HCN1: variants seen among roughly 807,000 people sequenced by gnomAD.
HCN1 encodes hyperpolarization activated cyclic nucleotide gated potassium channel 1.
In HCN1, 13 loss-of-function variants were observed where a neutral mutation model predicts 78.9. That is an observed-to-expected ratio of 0.16 (90% CI 0.11 to 0.26). HCN1 has a LOEUF of 0.26. Ranked by LOEUF, HCN1 falls within the 10% of genes least tolerant of loss-of-function variation. The pLI is 1.00. For synonymous variants in HCN1, 552 were observed against 455.5 expected (o/e 1.21, Z -2.70); for missense variants, 810 against 1,154.3 (o/e 0.70, Z 4.32).
At chr5:45,503,259 C>G (rs1012064803) in intron 2 of HCN1, among the ~76,000 whole-genome samples, 6 of 151,980 alleles carry the variant, frequency 3.9e-5, no homozygotes, top group African/African-American at 9.7e-5. Flanking sequence ...AAAAAACAAC[C>G]CTGAATTTCA....
intron 2 of HCN1, among the ~76,000 whole-genome samples, chr5:45,594,942 T>A (rs1744455031): frequency 6.6e-6 from 1 of 152,254 alleles, no homozygotes; most frequent in South Asian, 2.1e-4. Flanking sequence ...AGTTAAAACA[T>A]CTAAGAGTAA....
intron 4 of HCN1, among the ~76,000 whole-genome samples, chr5:45,373,862 AT>A (rs1747503658): frequency 7.5e-6 from 1 of 134,092 alleles, no homozygotes; most frequent in South Asian, 2.3e-4. Context: ...TATATACGTC[AT>A]CTATAATATA....
chr5:45,442,170 A>G (rs1382648511), intron 3 of HCN1, among the ~76,000 whole-genome samples: 6 of 152,164 alleles, frequency 3.9e-5, no homozygotes, highest in African/African-American at 1.4e-4. Context: ...TTAGGGCAAC[A>G]AATCTTCAAA....
intron 3 of HCN1, among the ~76,000 whole-genome samples, chr5:45,446,746 GA>G (rs1213714071): frequency 2.6e-5 from 4 of 152,080 alleles, no homozygotes; most frequent in African/African-American, 9.7e-5. Context: ...CATTCTTAAA[GA>G]AAAGAATTTT....
At chr5:45,471,015 T>C (rs1055925678) in intron 2 of HCN1, among the ~76,000 whole-genome samples, 1 of 151,912 alleles carries the variant, frequency 6.6e-6, no homozygotes, top group African/African-American at 2.4e-5. Context: ...TTTGACAATA[T>C]CTTTCTGTCT....
intron 2 of HCN1, among the ~76,000 whole-genome samples, chr5:45,538,419 G>A (rs536113740): frequency 4.5e-4 from 69 of 152,170 alleles, no homozygotes; most frequent in Non-Finnish European, 6.6e-4. Context: ...TGGTCTCTAC[G>A]TACATTACTA....
intron 5 of HCN1, among the ~76,000 whole-genome samples, chr5:45,306,133 T>C (rs749457300): frequency 3.9e-5 from 6 of 152,046 alleles, no homozygotes; most frequent in Non-Finnish European, 8.8e-5. Flanking sequence ...TGAGAGTTAA[T>C]TATTTCACAT....
intron 3 of HCN1, among the ~76,000 whole-genome samples, chr5:45,443,715 C>T (rs777696595): frequency 9.2e-5 from 14 of 152,020 alleles, no homozygotes; most frequent in Non-Finnish European, 2.1e-4. Flanking sequence ...GACTTTCTTC[C>T]CTCAAGTTAA....
chr5:45,503,268 C>T (rs1742227964), intron 2 of HCN1, among the ~76,000 whole-genome samples: 1 of 152,054 alleles, frequency 6.6e-6, no homozygotes, highest in African/African-American at 2.4e-5. Flanking sequence ...CCCTGAATTT[C>T]ACTACTAGTT....
intron 2 of HCN1, among the ~76,000 whole-genome samples, chr5:45,546,296 T>A (rs1160087192): frequency 6.6e-6 from 1 of 151,948 alleles, no homozygotes; most frequent in East Asian, 1.9e-4. Context: ...AATACTTTCT[T>A]TGCAATTTAT....
chr5:45,426,740 C>T (rs529118939), intron 3 of HCN1, among the ~76,000 whole-genome samples: 5 of 152,254 alleles, frequency 3.3e-5, no homozygotes, highest in Non-Finnish European at 5.9e-5. Context: ...TTCAGAAGCA[C>T]TCAAGTCTGC....
At chr5:45,487,153 G>A (rs1362612020) in intron 2 of HCN1, among the ~76,000 whole-genome samples, 1 of 152,032 alleles carries the variant, frequency 6.6e-6, no homozygotes, top group Non-Finnish European at 1.5e-5. Context: ...AAACAGAAAT[G>A]TCAGTATTTT....
At chr5:45,328,701 T>G (rs1746285335) in intron 5 of HCN1, among the ~76,000 whole-genome samples, 1 of 151,642 alleles carries the variant, frequency 6.6e-6, no homozygotes, top group African/African-American at 2.4e-5. Flanking sequence ...TGTGTATTTC[T>G]GGATTTTTCC....
At chr5:45,473,222 T>C (rs530699884) in intron 2 of HCN1, among the ~76,000 whole-genome samples, 36 of 152,104 alleles carry the variant, frequency 2.4e-4, no homozygotes, top group Admixed American at 9.9e-4. Context: ...GTTCTATACA[T>C]AAGCTTCTAT....
rs140266012 is a variant in HCN1 at position 45,688,746 on chromosome 5, G to A, written c.425+6923C>T. Among the ~76,000 whole-genome samples, 48 of 152,016 alleles carry A rather than the reference G, an allele frequency of 3.2e-4. 1 individual carries two copies. The East Asian group carries it at 7.1e-3, about 23-fold the overall frequency. On this transcript the variant is annotated intron_variant, in intron 1 of 7. Coordinates refer to ENST00000303230, the MANE Select transcript of HCN1 (RefSeq NM_021072.4). ...GAAACAACTCAGATGTCCATCAACT[G>A]ATAAATGAATAAATTAAAGGTAGTA... is the stretch of plus-strand genomic sequence containing the variant.
intron 2 of HCN1, among the ~76,000 whole-genome samples, chr5:45,565,551 G>A (rs191618268): frequency 4.6e-4 from 70 of 152,152 alleles, no homozygotes; most frequent in African/African-American, 1.6e-3. Context: ...TGCCTGGCAC[G>A]GTGGCTTGCA....
chr5:45,374,141 A>ATAATATATATAATATATATTATATACC (rs1747530360), intron 4 of HCN1, among the ~76,000 whole-genome samples: 3 of 117,482 alleles, frequency 2.6e-5, no homozygotes, highest in Non-Finnish European at 5.0e-5. Flanking sequence ...TATTATATAC[A>ATAATATATATAATATATATTATATACC]TATTATATAT....
chr5:45,665,574 T>A (rs1050791521), intron 1 of HCN1, among the ~76,000 whole-genome samples: 6 of 151,984 alleles, frequency 3.9e-5, no homozygotes, highest in African/African-American at 1.4e-4. Context: ...AAGAAATAAA[T>A]TCTCAGACTC....
rs377359279 is a variant in HCN1, at chr5:45,262,517, T to C, written c.2077A>G (p.Ile693Val). The C allele has an allele frequency of 8.7e-6, 14 of 1,612,488 alleles. No individual in the cohort carries two copies. Among genetic ancestry groups the C allele is most frequent in the African/African-American group, 1.3e-5 (1 of 74,508 alleles). The change falls in exon 8 of 8, where the codon ATC becomes GTC. Residue 693 changes from isoleucine to valine, a missense_variant. Transcript: ENST00000303230. ...PSTQTPQPSA[I>V]LSPCSYTTAV... is the part of the protein sequence containing the mutation. ...GTGGTGTAGGAGCAGGGTGACAGGA[T>C]GGCTGATGGCTGGGGGGTCTGTGTG... is the stretch of plus-strand genomic sequence containing the variant.
Sources: allele counts gnomAD v4.1 joint callset (sites outside exome capture counted in the v4.1 genomes callset), GRCh38; gene constraint gnomAD v4.1.1; transcripts MANE v1.5; gene names NCBI Gene and HGNC (gene_info 2026-07-23, HGNC 2026-07-21).